Variants in SCYL2 observed in about 807,000 individuals in gnomAD.
SCYL2 encodes SCY1 like pseudokinase 2, also known as SCY1-like protein 2.
Under a neutral mutation model 100.4 loss-of-function variants are expected in SCYL2, and 36 were observed. That is an observed-to-expected ratio of 0.36 (90% confidence interval 0.27 to 0.47). SCYL2 has a LOEUF of 0.47. Ranked by LOEUF, SCYL2 falls within the 20% of genes least tolerant of loss-of-function variation. The pLI is 1.00. For synonymous variants in SCYL2, 330 were observed against 359.2 expected, an observed-to-expected ratio of 0.92 and a Z score of 0.92; for missense variants, 902 against 1,083.9, an observed-to-expected ratio of 0.83 and a Z score of 2.36.
chr12:100,272,133 T>A (rs1003893142), intron 1 of SCYL2, among the ~76,000 whole-genome samples: 1 of 152,108 alleles, frequency 6.6e-6, no homozygotes, highest in African/African-American at 2.4e-5. Context: ...CTACCCCAAA[T>A]CCTATTTTGG....
At chr12:100,325,421 C>CT (rs2096360633) in intron 11 of SCYL2, among the ~76,000 whole-genome samples, 1 of 152,160 alleles carries the variant, frequency 6.6e-6, no homozygotes, top group Non-Finnish European at 1.5e-5. Context: ...AGAACAGTAA[C>CT]TAGGAATGGA....
intron 2 of SCYL2, among the ~76,000 whole-genome samples, chr12:100,284,757 C>G (rs2114917): frequency 1.3e-5 from 2 of 152,184 alleles, no homozygotes; most frequent in African/African-American, 4.8e-5. Flanking sequence ...GCCACCGCGC[C>G]CGGCCTAGTT....
chr12:100,313,354 G>T lies in SCYL2; in HGVS notation c.853-68G>T. 3 of 663,528 alleles carry T rather than the reference G, an allele frequency of 4.5e-6. No homozygotes were observed. The South Asian group carries it at 7.0e-5, about 16-fold the overall frequency. 41.1% of individuals were successfully genotyped at this position (663,528 alleles called of 1,614,324 possible). A position where few individuals can be genotyped will look rare whatever the true frequency, so the allele number is the denominator to read the frequency against. On this transcript the variant is annotated intron_variant, in intron 6 of 17. Transcript: ENST00000360820. ...TAAAATATTGAGTAAATTTTTAAAT[G>T]TTTTCTTAAATGTATATGTCTTTTT...
rs1029233970 is a variant in SCYL2 at position 100,288,320 on chromosome 12, TTTTTC to T, written c.178-3178_178-3174del. On this transcript the variant is annotated intron_variant, in intron 2 of 17. Transcript: ENST00000360820. ...TTTGTGAGTTTTTTTTTCTTTTCTT[TTTTTC>T]TTTTAAGAGATGGGGCCTTACTGTG... Among the ~76,000 whole-genome samples, 6 of 152,282 alleles carry T rather than the reference TTTTTC, an allele frequency of 3.9e-5. No individual in the cohort carries two copies. In the East Asian group the frequency reaches 9.7e-4, roughly 25 times the overall value.
intron 4 of SCYL2, among the ~76,000 whole-genome samples, chr12:100,308,218 G>A (rs2096337124): frequency 6.6e-6 from 1 of 152,166 alleles, no homozygotes; most frequent in Non-Finnish European, 1.5e-5. Flanking sequence ...ATTCACAGTA[G>A]CAAAGACTGG....
At chr12:100,325,866 A>T (rs914181324) in intron 11 of SCYL2, among the ~76,000 whole-genome samples, 25 of 152,244 alleles carry the variant, frequency 1.6e-4, no homozygotes, top group African/African-American at 5.1e-4. Flanking sequence ...TTTTAATTTC[A>T]GAAAACAATT....
intron 4 of SCYL2, among the ~76,000 whole-genome samples, chr12:100,304,542 G>A (rs2096331723): frequency 6.6e-6 from 1 of 152,142 alleles, no homozygotes; most frequent in Non-Finnish European, 1.5e-5. Flanking sequence ...AGCTTCCCAG[G>A]TGAGGTGAAG....
At chr12:100,276,190 G>A (rs2096292319) in intron 1 of SCYL2, among the ~76,000 whole-genome samples, 1 of 152,116 alleles carries the variant, frequency 6.6e-6, no homozygotes, top group Non-Finnish European at 1.5e-5. Context: ...TCTATTTTCT[G>A]GGAGAGTTTG....
chr12:100,283,180 A>C, intron 2 of SCYL2, 33 bp downstream of exon 2: 1 of 1,543,802 alleles, frequency 6.5e-7, no homozygotes, highest in Non-Finnish European at 8.7e-7. Context: ...CTTGGAAAAA[A>C]CCCACATGCT....
chr12:100,334,026 T>G (rs1182519813), intron 13 of SCYL2, 140 bp from the exon 14 acceptor site: 1 of 552,798 alleles, frequency 1.8e-6, no homozygotes, highest in Non-Finnish European at 3.2e-6. Context: ...TCATTCTTAT[T>G]GAATATCAGC....
intron 2 of SCYL2, among the ~76,000 whole-genome samples, chr12:100,289,140 T>C (rs1389397495): frequency 2.0e-5 from 3 of 152,214 alleles, no homozygotes; most frequent in East Asian, 1.9e-4. Context: ...ATTAGTGTTA[T>C]GTAAAACTCT....
rs1284434351 is a variant in SCYL2 at position 100,337,419 on chromosome 12, A to G, written c.2058A>G (p.Leu686=). The stretch of plus-strand genomic sequence containing the variant: ...TTACACTTGAAGAAAAACAAAAATT[A>G]GCAAAAGAACAAGAGCAGGCACAGA... ...ASLTLEEKQK[L]AKEQEQAQKL... Residue 686 remains leucine (L), a synonymous_variant, in exon 17 of 18, where the codon TTA becomes TTG. Transcript: ENST00000360820. 4 of 1,601,662 alleles carry G rather than the reference A, an allele frequency of 2.5e-6. No homozygotes were observed. The Admixed American group carries it at 7.2e-5, about 29-fold the overall frequency.
At chr12:100,294,079 G>A (rs2096313940) in intron 3 of SCYL2, among the ~76,000 whole-genome samples, 1 of 150,440 alleles carries the variant, frequency 6.6e-6, no homozygotes, top group African/African-American at 2.4e-5. Context: ...CGGGCAGAGG[G>A]GCTCCTCACT....
chr12:100,328,818 T>C, intron 12 of SCYL2, among the ~76,000 whole-genome samples: 1 of 152,236 alleles, frequency 6.6e-6, no homozygotes, highest in East Asian at 1.9e-4. Context: ...ACCTATACTA[T>C]ACCCTTTGAA....
At chr12:100,304,307 A>C (rs1448532606) in intron 4 of SCYL2, among the ~76,000 whole-genome samples, 2 of 151,380 alleles carry the variant, frequency 1.3e-5, no homozygotes, top group Non-Finnish European at 3.0e-5. Context: ...TGGGGTTTGA[A>C]AAAAAAAAAC....
chr12:100,291,210 C>A (rs1364727522), intron 2 of SCYL2, among the ~76,000 whole-genome samples: 1 of 152,030 alleles, frequency 6.6e-6, no homozygotes, highest in Non-Finnish European at 1.5e-5. Flanking sequence ...AATTCTGTGT[C>A]CATAAGAGAT....
At chr12:100,307,295 T>G (rs986334719) in intron 4 of SCYL2, among the ~76,000 whole-genome samples, 14 of 151,988 alleles carry the variant, frequency 9.2e-5, no homozygotes, top group Non-Finnish European at 2.1e-4. Context: ...CCAAAACAGA[T>G]ACATAGACCA....
chr12:100,290,221 C>CA (rs2096308987), intron 2 of SCYL2, among the ~76,000 whole-genome samples: 1 of 152,118 alleles, frequency 6.6e-6, no homozygotes, highest in Non-Finnish European at 1.5e-5. Context: ...GAAATTGACT[C>CA]AAAGGCTCCT....
chr12:100,282,655 T>C (rs958970074), intron 1 of SCYL2, among the ~76,000 whole-genome samples: 2 of 152,290 alleles, frequency 1.3e-5, no homozygotes, highest in African/African-American at 2.4e-5. Flanking sequence ...ATCCATGTTA[T>C]ACAGTTGAGC....
Sources: allele counts gnomAD v4.1 joint callset (sites outside exome capture counted in the v4.1 genomes callset), GRCh38; gene constraint gnomAD v4.1.1; transcripts MANE v1.5; gene names NCBI Gene and HGNC (gene_info 2026-07-23, HGNC 2026-07-21).